Variants in ZNF540 observed in about 807,000 individuals in gnomAD.
ZNF540 encodes the protein CTD-3064H18.6.
ZNF540 carries 3 observed loss-of-function variants against 11.8 expected under a neutral mutation model. The ratio of observed to expected loss-of-function variants is 0.25; its 90% confidence interval spans 0.12 to 0.65. ZNF540 has a LOEUF of 0.65. Among genes scored for constraint, ZNF540 ranks in the 30% least tolerant of loss-of-function variants. The probability of loss-of-function intolerance (pLI) is 0.83; values close to 1 mark genes in which losing one functional copy is unlikely to be tolerated. For synonymous variants in ZNF540, 247 were observed against 259.0 expected (o/e 0.95, Z 0.45); for missense variants, 709 against 793.1 (o/e 0.89, Z 1.27).
At chr19:37,554,726 C>T (rs1191247069) in intron 1 of ZNF540, 1 of 152,180 alleles carries the variant, frequency 6.6e-6, no homozygotes, top group Non-Finnish European at 1.5e-5. Context: ...CACCAAGACT[C>T]TTTTACAGTG....
At position 37,612,623 on chromosome 19, in the gene ZNF540, T is replaced by A. The variant is rs371162029; in HGVS notation, c.1343T>A (p.Phe448Tyr). Residue 448 changes from phenylalanine (F) to tyrosine (Y), a missense_variant, in exon 5 of 5, where the codon TTT becomes TAT. Phe to Tyr is a conservative substitution (Grantham distance 22). Coordinates refer to ENST00000316433, the MANE Select transcript of ZNF540 (RefSeq NM_001172225.3). ...PYECKECGKAFMLRSVLTEHQ... is the reference protein window; with the variant it reads ...PYECKECGKAYMLRSVLTEHQ... ...GAATGTAAGGAATGCGGGAAAGCCT[T>A]TATGCTTCGTTCAGTCCTTACTGAA... 7 of 1,613,916 alleles carry A rather than the reference T, an allele frequency of 4.3e-6. No individual in the cohort carries two copies. The African/African-American group carries it at 6.7e-5, about 15-fold the overall frequency.
rs2044150418 is a variant in ZNF540, at chr19:37,613,624, T to C, written c.*361T>C. On this transcript the variant is annotated 3_prime_UTR_variant, in exon 5 of 5. Coordinates refer to ENST00000316433, the MANE Select transcript of ZNF540 (RefSeq NM_001172225.3). ...CATGTATAATACAGCAACAACTATC[T>C]GGCCCAAACTGCTTTGGATTAATAT... The C allele has an allele frequency of 2.5e-6, 1 of 396,356 alleles. No individual in the cohort carries two copies. The highest frequency in any genetic ancestry group is 4.4e-6 in the Non-Finnish European group (1 of 225,300). The allele number at this position is 396,356 out of a possible 1,614,324, so 24.6% of individuals were successfully genotyped here. A position where few individuals can be genotyped will look rare whatever the true frequency, so the allele number is the denominator to read the frequency against.
intron 1 of ZNF540, among the ~76,000 whole-genome samples, chr19:37,589,182 A>G (rs1460924089): frequency 6.8e-6 from 1 of 146,912 alleles, no homozygotes; most frequent in African/African-American, 2.5e-5. Context: ...CCTGGGCGAC[A>G]AGAGCCAAAC....
intron 1 of ZNF540, among the ~76,000 whole-genome samples, chr19:37,552,906 C>T (rs1226795608): frequency 6.6e-6 from 1 of 151,934 alleles, no homozygotes; most frequent in Non-Finnish European, 1.5e-5. Context: ...AAGATGGCAC[C>T]ACTGCACTCC....
intron 1 of ZNF540, chr19:37,564,852 C>A (rs781247424): frequency 6.2e-7 from 1 of 1,613,976 alleles, no homozygotes; most frequent in South Asian, 1.1e-5. Context: ...GGTTTTTCAC[C>A]TCTGTGAATT....
chr19:37,604,296 C>CTTTTTATTTTTTT (rs2044064446), intron 4 of ZNF540, among the ~76,000 whole-genome samples: 1 of 75,268 alleles, frequency 1.3e-5, no homozygotes, highest in Admixed American at 1.8e-4. Context: ...AATAGCCTTA[C>CTTTTTATTTTTTT]TTTTTTTTTT....
chr19:37,591,716 G>A (rs149851411), upstream of ZNF540, among the ~76,000 whole-genome samples: 528 of 152,008 alleles, frequency 3.5e-3, 4 homozygotes, highest in African/African-American at 0.012. Flanking sequence ...AGCTAATTTT[G>A]TATTTTTAGT....
At chr19:37,580,725 T>A (rs1228403394) in intron 1 of ZNF540, among the ~76,000 whole-genome samples, 1 of 152,160 alleles carries the variant, frequency 6.6e-6, no homozygotes, top group Non-Finnish European at 1.5e-5. Context: ...CTTTCCCCTC[T>A]CACCATGTGA....
chr19:37,574,371 G>GC (rs2043172921), intron 1 of ZNF540, among the ~76,000 whole-genome samples: 1 of 151,884 alleles, frequency 6.6e-6, no homozygotes, highest in African/African-American at 2.4e-5. Context: ...AACAAAAACA[G>GC]CCCCCTCCGA....
At chr19:37,608,906 G>C (rs1380965990) in intron 4 of ZNF540, among the ~76,000 whole-genome samples, 1 of 152,100 alleles carries the variant, frequency 6.6e-6, no homozygotes, top group Non-Finnish European at 1.5e-5. Context: ...CTCCCAAAGT[G>C]CTGGGATTAC....
chr19:37,609,477 A>G (rs145701471), intron 4 of ZNF540, among the ~76,000 whole-genome samples: 3,947 of 152,088 alleles, frequency 0.026, 180 homozygotes, highest in African/African-American at 0.089. Flanking sequence ...CCTGGGAGGC[A>G]GCGGTTGCAG....
upstream of ZNF540, among the ~76,000 whole-genome samples, chr19:37,591,771 C>T (rs796918685): frequency 4.6e-5 from 7 of 152,008 alleles, no homozygotes; most frequent in East Asian, 5.8e-4. Context: ...CTCAAACTCC[C>T]GACCTCAGGT....
At chr19:37,606,611 G>A (rs146133077) in intron 4 of ZNF540, among the ~76,000 whole-genome samples, 18 of 152,294 alleles carry the variant, frequency 1.2e-4, no homozygotes, top group Admixed American at 1.1e-3. Flanking sequence ...TTTGAGAACA[G>A]CCATTCCAGT....
intron 1 of ZNF540, among the ~76,000 whole-genome samples, chr19:37,558,432 G>A (rs2042683904): frequency 1.3e-5 from 2 of 152,066 alleles, no homozygotes; most frequent in Admixed American, 6.6e-5. Flanking sequence ...AATCTGATAA[G>A]CCTCCTGGAG....
intron 4 of ZNF540, among the ~76,000 whole-genome samples, chr19:37,605,548 T>C (rs763186140): frequency 1.6e-4 from 25 of 152,092 alleles, no homozygotes; most frequent in Non-Finnish European, 3.2e-4. Flanking sequence ...CCCGGGAAGC[T>C]GAGGCAGGAG....
At chr19:37,589,289 C>G (rs370029823) in intron 1 of ZNF540, among the ~76,000 whole-genome samples, 5 of 150,854 alleles carry the variant, frequency 3.3e-5, no homozygotes, top group African/African-American at 9.7e-5. Flanking sequence ...TTCTGTATCT[C>G]ACAATCATAT....
intron 4 of ZNF540, among the ~76,000 whole-genome samples, chr19:37,603,919 C>G (rs73033142): frequency 0.27 from 40,270 of 151,900 alleles, 6,394 homozygotes; most frequent in Non-Finnish European, 0.37. Flanking sequence ...AATTCTTGGG[C>G]TGTATATAAT....
At chr19:37,593,233 A>C (rs1256357044), upstream of ZNF540, among the ~76,000 whole-genome samples, 1 of 152,198 alleles carries the variant, frequency 6.6e-6, no homozygotes, top group Non-Finnish European at 1.5e-5. Flanking sequence ...GAAATACTAT[A>C]GGAAAAAACG....
chr19:37,553,559 C>G (rs1288929811), intron 1 of ZNF540, among the ~76,000 whole-genome samples: 2 of 152,044 alleles, frequency 1.3e-5, no homozygotes, highest in Non-Finnish European at 2.9e-5. Flanking sequence ...AATTCTTTTT[C>G]TAATTTTCTG....
Sources: allele counts gnomAD v4.1 joint callset (sites outside exome capture counted in the v4.1 genomes callset), GRCh38; gene constraint gnomAD v4.1.1; transcripts MANE v1.5; gene names NCBI Gene and HGNC (gene_info 2026-07-23, HGNC 2026-07-21).